The following KDM5B variants were observed in gnomAD, a reference collection of about 807,000 sequenced individuals.
KDM5B encodes the protein lysine-specific demethylase 5B.
KDM5B carries 144 observed loss-of-function variants against 193.4 expected under a neutral mutation model. The observed-to-expected ratio is 0.74, with a 90% CI of 0.65 to 0.86. KDM5B has a LOEUF of 0.86. Ranked by LOEUF, KDM5B falls within the 40% of genes least tolerant of loss-of-function variation. The pLI, the probability that KDM5B is intolerant of heterozygous loss-of-function variation, is 0.00. For missense variants in KDM5B, 1,833 were observed against 1,886.9 expected (o/e 0.97, Z 0.53); for synonymous variants, 668 against 682.6 (o/e 0.98, Z 0.33).
At chr1:202,760,213 G>C (rs77911786) in intron 8 of KDM5B, among the ~76,000 whole-genome samples, 1 of 147,942 alleles carries the variant, frequency 6.8e-6, no homozygotes, top group African/African-American at 2.5e-5. Context: ...ACGTGGGGGG[G>C]GCTGAGGTGG....
chr1:202,792,187 T>C (rs1657666392), intron 1 of KDM5B, among the ~76,000 whole-genome samples: 1 of 152,034 alleles, frequency 6.6e-6, no homozygotes, highest in African/African-American at 2.4e-5. Flanking sequence ...TCCTTATTTT[T>C]TCTTTCTTTC....
In KDM5B at chr1:202,726,290, A is replaced by C. The variant is rs1654671142; in HGVS notation, c.*2746T>G. ...TGGCATCTCTCCTTTAGGTTAACTT[A>C]AGATAGAAAAATGAATCCCACCTCC... On this transcript the variant is annotated 3_prime_UTR_variant, in exon 27 of 27. Transcript: ENST00000367265. 6.6e-6 allele frequency: 1 copy of C among 152,188 alleles called. No individual in the cohort carries two copies. Among genetic ancestry groups the C allele is most frequent in the African/African-American group, 2.4e-5 (1 of 41,436 alleles). The allele number at this position is 152,188 out of a possible 1,614,324, so 9.4% of individuals were successfully genotyped here.
At position 202,766,786 on chromosome 1, in the gene KDM5B, G is replaced by A. The variant is rs544741838; in HGVS notation, c.711+140C>T. ...ACAATTCACCCAAGTGTAAAAGCTG[G>A]AATACAAACAGCATCCCTTTGTGAG... is the stretch of plus-strand genomic sequence containing the variant. On this transcript the variant is annotated intron_variant, in intron 5 of 26. Transcript: ENST00000367265. 2.3e-4 allele frequency: 212 copies of A among 915,024 alleles called. No homozygotes were observed. In the African/African-American group the frequency reaches 3.5e-3, roughly 15 times the overall value. The allele number at this position is 915,024 out of a possible 1,614,324, so 56.7% of individuals were successfully genotyped here. A position where few individuals can be genotyped will look rare whatever the true frequency, so the allele number is the denominator to read the frequency against.
chr1:202,771,726 C>A (rs976152194), intron 4 of KDM5B, among the ~76,000 whole-genome samples: 19 of 152,040 alleles, frequency 1.2e-4, no homozygotes, highest in Non-Finnish European at 2.5e-4. Context: ...GGACTACAGG[C>A]ACGCACCACC....
intron 25 of KDM5B, 75 bp downstream of exon 25, chr1:202,730,834 A>AT: frequency 7.1e-7 from 1 of 1,413,114 alleles, no homozygotes; most frequent in Non-Finnish European, 9.6e-7. Flanking sequence ...CTGTCTGGTT[A>AT]TGTTTCGAGG....
rs756044888 is a variant in KDM5B, at chr1:202,740,800, T to C, written c.2958A>G (p.Ser986=). The C allele has an allele frequency of 8.1e-6, 13 of 1,611,124 alleles. No homozygotes were observed. Among genetic ancestry groups the C allele is most frequent in the Non-Finnish European group, 1.1e-5 (13 of 1,178,736 alleles). ...TTACTGCCGTAGCAAGGCTATTCAA[T>C]GAATGTCGTGGCCTACAAAATGCAA... ...KSLLKARPRH[S]LNSLATAVKE... The change falls in exon 20 of 27, where the codon TCA becomes TCG. Residue 986 remains serine (S), a synonymous_variant. Transcript: ENST00000367265.
chr1:202,777,111 G>T lies in KDM5B; in HGVS notation c.205-17C>A, dbSNP rs200015406. ...CTGCCAATCCTAGGAGAAAGCAAAGGCTCTTATTAGAATAACTTATAAGCA... is the reference window on the plus strand; with the variant it reads ...CTGCCAATCCTAGGAGAAAGCAAAGTCTCTTATTAGAATAACTTATAAGCA... On this transcript the variant is annotated splice_polypyrimidine_tract_variant and intron_variant, in intron 1 of 26. Transcript: ENST00000367265. The T allele has an allele frequency of 5.5e-4, 881 of 1,590,420 alleles. 7 individuals carry two copies. The highest frequency in any genetic ancestry group is 5.4e-4 in the Admixed American group (32 of 59,648).
intron 16 of KDM5B, among the ~76,000 whole-genome samples, chr1:202,744,438 G>A (rs1367707864): frequency 1.3e-5 from 2 of 152,116 alleles, no homozygotes; most frequent in Non-Finnish European, 2.9e-5. Context: ...CGTGCCTGTA[G>A]TCCCAGCTAC....
Position 202,752,858 on chromosome 1 carries a change from A to C in KDM5B, c.1701+47T>G, listed in dbSNP as rs146728876. The C allele has an allele frequency of 6.6e-4, 998 of 1,522,110 alleles. 16 individuals carry two copies. The East Asian group carries it at 0.02, about 30-fold the overall frequency. The allele number at this position is 1,522,110 out of a possible 1,614,324, so 94.3% of individuals were successfully genotyped here. On this transcript the variant is annotated intron_variant, in intron 12 of 26. Transcript: ENST00000367265. ...AAAGTGAATAAAAAGGAAAAAGAGAAGTGGTGAATTAAGCTTGAGTGGCAG... is the reference window on the plus strand; with the variant it reads ...AAAGTGAATAAAAAGGAAAAAGAGACGTGGTGAATTAAGCTTGAGTGGCAG...
At chr1:202,761,991 T>C (rs1195249192) in intron 7 of KDM5B, among the ~76,000 whole-genome samples, 4 of 152,200 alleles carry the variant, frequency 2.6e-5, no homozygotes, top group Middle Eastern at 3.4e-3. Flanking sequence ...GTGACATTTA[T>C]GGAGAGAACA....
intron 25 of KDM5B, among the ~76,000 whole-genome samples, chr1:202,730,399 A>G (rs1179894314): frequency 7.2e-5 from 11 of 152,258 alleles, no homozygotes; most frequent in African/African-American, 2.6e-4. Flanking sequence ...GTTTATGTCT[A>G]TCCTGTGACC....
intron 4 of KDM5B, among the ~76,000 whole-genome samples, chr1:202,771,804 T>A (rs1656730981): frequency 6.6e-6 from 1 of 151,924 alleles, no homozygotes; most frequent in African/African-American, 2.4e-5. Flanking sequence ...ATGGTCTCCA[T>A]CTCTTGACCT....
chr1:202,779,033 A>C (rs907627772), intron 1 of KDM5B, among the ~76,000 whole-genome samples: 3 of 152,204 alleles, frequency 2.0e-5, no homozygotes, highest in African/African-American at 7.2e-5. Context: ...ATCTAGAGCA[A>C]AAAGGCTCAC....
In KDM5B at chr1:202,740,799, A is replaced by G; in HGVS notation, c.2959T>C (p.Leu987=). ...SLLKARPRHS[L]NSLATAVKEI... ...TTTACTGCCGTAGCAAGGCTATTCA[A>G]TGAATGTCGTGGCCTACAAAATGCA... is the stretch of plus-strand genomic sequence containing the variant. Residue 987 remains leucine (L), a synonymous_variant, in exon 20 of 27, where the codon TTG becomes CTG. Coordinates refer to ENST00000367265, the MANE Select transcript of KDM5B (RefSeq NM_006618.5). 1 of 1,611,280 alleles carries G rather than the reference A, an allele frequency of 6.2e-7. No homozygotes were observed. Among genetic ancestry groups the G allele is most frequent in the South Asian group, 1.1e-5 (1 of 90,868 alleles).
intron 1 of KDM5B, among the ~76,000 whole-genome samples, chr1:202,784,891 G>T (rs919952652): frequency 2.0e-5 from 3 of 151,826 alleles, no homozygotes; most frequent in Non-Finnish European, 4.4e-5. Context: ...AAAATTGGCC[G>T]GGCATTGTGG....
At chr1:202,778,249 TG>T (rs1657044807) in intron 1 of KDM5B, among the ~76,000 whole-genome samples, 1 of 152,066 alleles carries the variant, frequency 6.6e-6, no homozygotes, top group South Asian at 2.1e-4. Flanking sequence ...TTTCCTATCA[TG>T]GAAGAACTGC....
At chr1:202,800,530 G>C (rs190101528) in intron 1 of KDM5B, among the ~76,000 whole-genome samples, 94 of 152,056 alleles carry the variant, frequency 6.2e-4, no homozygotes, top group African/African-American at 2.2e-3. Flanking sequence ...TGTAGAGATA[G>C]GGTCTCACTA....
chr1:202,769,962 T>C lies in KDM5B; in HGVS notation c.577-2902A>G, dbSNP rs79209109. On this transcript the variant is annotated intron_variant, in intron 4 of 26. Coordinates refer to ENST00000367265, the MANE Select transcript of KDM5B (RefSeq NM_006618.5). Reference sequence around the variant, plus strand: ...TTGAGCTGAATGACATAAATTGTATTAAGTGGATGATCACAAATTCAGATG... The same window carrying C: ...TTGAGCTGAATGACATAAATTGTATCAAGTGGATGATCACAAATTCAGATG... 9.2e-3 allele frequency among the ~76,000 whole-genome samples: 1,406 copies of C among 152,286 alleles called. 51 individuals carry two copies. The highest frequency in any genetic ancestry group is 0.087 in the South Asian group (421 of 4,826).
At chr1:202,786,194 G>C (rs1404807994) in intron 1 of KDM5B, among the ~76,000 whole-genome samples, 4 of 87,086 alleles carry the variant, frequency 4.6e-5, no homozygotes, top group African/African-American at 1.5e-4. Flanking sequence ...CGGGGGGTGG[G>C]GGGGGGGGTC....
Sources: gnomAD v4.1 joint callset for allele counts (sites outside exome capture counted in the v4.1 genomes callset) on GRCh38, gnomAD v4.1.1 for gene constraint, MANE v1.5 for transcripts, NCBI Gene and HGNC (gene_info 2026-07-23, HGNC 2026-07-21) for gene names.